WLS: variants seen among roughly 807,000 people sequenced by gnomAD.
The protein encoded by WLS is Wnt ligand secretion mediator, also known as protein wntless homolog.
A neutral mutation model predicts 62.8 loss-of-function variants in WLS; 23 were observed. The ratio of observed to expected loss-of-function variants is 0.37; its 90% CI spans 0.26 to 0.52. WLS has a LOEUF of 0.52. Ranked by LOEUF, WLS falls within the 20% of genes least tolerant of loss-of-function variation. The pLI, the probability that WLS is intolerant of heterozygous loss-of-function variation, is 0.92. For missense variants in WLS, 615 were observed against 697.3 expected, an observed-to-expected ratio of 0.88 and a Z score of 1.33; for synonymous variants, 246 against 244.1, an observed-to-expected ratio of 1.01 and a Z score of -0.07.
intron 2 of WLS, among the ~76,000 whole-genome samples, chr1:68,167,548 T>G (rs750320756): frequency 2.2e-4 from 34 of 152,232 alleles, no homozygotes; most frequent in Non-Finnish European, 4.6e-4. Flanking sequence ...GCAGGAAGGC[T>G]AAGCTACATT....
At chr1:68,158,000 TC>T (rs1646921880) in intron 3 of WLS, among the ~76,000 whole-genome samples, 1 of 152,232 alleles carries the variant, frequency 6.6e-6, no homozygotes, top group South Asian at 2.1e-4. Flanking sequence ...TGTTAGCTGT[TC>T]CTCTCTCCTG....
At chr1:68,110,521 C>T (rs1157622363) in intron 11 of WLS, among the ~76,000 whole-genome samples, 4 of 151,912 alleles carry the variant, frequency 2.6e-5, no homozygotes, top group Admixed American at 2.0e-4. Flanking sequence ...ATTCTGAGGA[C>T]AAACAGGATG....
intron 1 of WLS, among the ~76,000 whole-genome samples, chr1:68,206,909 G>A (rs1199549497): frequency 6.6e-6 from 1 of 152,140 alleles, no homozygotes. Flanking sequence ...TATTCCAAGA[G>A]TTCTGGCTGT....
At chr1:68,119,821 C>T (rs1429864544) in intron 11 of WLS, among the ~76,000 whole-genome samples, 2 of 152,224 alleles carry the variant, frequency 1.3e-5, no homozygotes, top group Non-Finnish European at 2.9e-5. Context: ...GTGTAAAGAA[C>T]ATCAGCCAAG....
At position 68,107,297 on chromosome 1, in the gene WLS, A is replaced by AT. The variant is rs11346197; in HGVS notation, c.1511-8545dup. ...CTATCCTCCATTGTTGAATAGCTAG[A>AT]TTTTTTTTTTTTGCTATTAACACAA... On this transcript the variant is annotated intron_variant, in intron 11 of 11. Coordinates refer to the WLS transcript ENST00000354777. 2.0e-3 allele frequency among the ~76,000 whole-genome samples: 296 copies of AT among 149,474 alleles called. 1 individual carries two copies. Among genetic ancestry groups the AT allele is most frequent in the African/African-American group, 4.2e-3 (170 of 40,834 alleles).
At chr1:68,190,859 A>G (rs1477881294) in intron 2 of WLS, among the ~76,000 whole-genome samples, 1 of 152,160 alleles carries the variant, frequency 6.6e-6, no homozygotes, top group East Asian at 1.9e-4. Context: ...GGAGTTCTAG[A>G]CCATCCTGGC....
chr1:68,120,558 C>T (rs1198472307), downstream of WLS, among the ~76,000 whole-genome samples: 1 of 152,230 alleles, frequency 6.6e-6, no homozygotes, highest in East Asian at 1.9e-4. Context: ...GGTGACCTTG[C>T]ACAGGTCACT....
chr1:68,214,821 G>C (rs1649663615), intron 1 of WLS, among the ~76,000 whole-genome samples: 1 of 152,170 alleles, frequency 6.6e-6, no homozygotes, highest in Non-Finnish European at 1.5e-5. Flanking sequence ...TGAGAAATCA[G>C]ATTATGTCAA....
In WLS at chr1:68,133,810, C is replaced by T. The variant is rs561047420; in HGVS notation, c.1516+3970G>A. 2.9e-4 allele frequency among the ~76,000 whole-genome samples: 44 copies of T among 152,294 alleles called. 1 individual carries two copies. The highest frequency in any genetic ancestry group is 8.4e-4 in the African/African-American group (35 of 41,570). ...ACTTCCTCCTGACACTTGGCATGTCCCTCCAACTCACATACCAAACAACCT... is the reference window on the plus strand; with the variant it reads ...ACTTCCTCCTGACACTTGGCATGTCTCTCCAACTCACATACCAAACAACCT... On this transcript the variant is annotated intron_variant, in intron 11 of 11. Transcript: ENST00000262348.
chr1:68,165,881 G>A (rs538928176), intron 2 of WLS, among the ~76,000 whole-genome samples: 4 of 152,270 alleles, frequency 2.6e-5, no homozygotes, highest in Admixed American at 2.0e-4. Flanking sequence ...ACACATGATA[G>A]GCATGCCTTC....
At chr1:68,168,486 T>C (rs1326742656) in intron 2 of WLS, among the ~76,000 whole-genome samples, 1 of 152,196 alleles carries the variant, frequency 6.6e-6, no homozygotes, top group African/African-American at 2.4e-5. Flanking sequence ...CAGTTCCTTC[T>C]CCATCTAGTC....
chr1:68,121,515 G>C (rs1440079821), downstream of WLS, among the ~76,000 whole-genome samples: 9 of 152,136 alleles, frequency 5.9e-5, no homozygotes, highest in Non-Finnish European at 1.3e-4. Flanking sequence ...GCAGAAAAGG[G>C]GCTGCTAATG....
intron 1 of WLS, among the ~76,000 whole-genome samples, chr1:68,197,943 G>A (rs574769353): frequency 6.6e-5 from 10 of 152,274 alleles, no homozygotes; most frequent in South Asian, 4.1e-4. Flanking sequence ...AGTCACTTGC[G>A]TGGTTCTAGG....
intron 8 of WLS, 131 bp from the exon 9 acceptor site, chr1:68,146,143 A>G: frequency 9.9e-7 from 1 of 1,007,558 alleles, no homozygotes; most frequent in Non-Finnish European, 1.4e-6. Flanking sequence ...CAAGGGGATA[A>G]AATATTAAAA....
chr1:68,119,081 A>C (rs993848146), intron 11 of WLS, among the ~76,000 whole-genome samples: 1 of 152,106 alleles, frequency 6.6e-6, no homozygotes, highest in African/African-American at 2.4e-5. Flanking sequence ...AAACCACTGA[A>C]ATGTCCAGTA....
At chr1:68,149,877 T>A (rs1646802882) in intron 6 of WLS, among the ~76,000 whole-genome samples, 1 of 152,200 alleles carries the variant, frequency 6.6e-6, no homozygotes, top group Non-Finnish European at 1.5e-5. Flanking sequence ...TGTGTGTTTA[T>A]CTTAAGTTAC....
At chr1:68,185,369 A>G (rs754309934) in intron 2 of WLS, among the ~76,000 whole-genome samples, 1 of 152,218 alleles carries the variant, frequency 6.6e-6, no homozygotes, top group African/African-American at 2.4e-5. Context: ...ACAACCAGAT[A>G]AAAGATTGAT....
chr1:68,136,130 G>A (rs572733685), intron 11 of WLS, among the ~76,000 whole-genome samples: 2 of 152,310 alleles, frequency 1.3e-5, no homozygotes, highest in East Asian at 3.9e-4. Context: ...GACAGTGGCT[G>A]AGACCACTCC....
chr1:68,157,538 A>T (rs1183060936), intron 3 of WLS, among the ~76,000 whole-genome samples: 1 of 150,424 alleles, frequency 6.6e-6, no homozygotes. Flanking sequence ...CTCCAGCATG[A>T]GACTAGCTCA....
Sources: gnomAD v4.1 joint callset for allele counts (sites outside exome capture counted in the v4.1 genomes callset) on GRCh38, gnomAD v4.1.1 for gene constraint, MANE v1.5 for transcripts, NCBI Gene and HGNC (gene_info 2026-07-23, HGNC 2026-07-21) for gene names.